SPATA21: variants seen among roughly 807,000 people sequenced by gnomAD.
The protein encoded by SPATA21 is spermatogenesis-associated protein 21.
Under a neutral mutation model 54.8 loss-of-function variants are expected in SPATA21, and 47 were observed. The ratio of observed to expected loss-of-function variants is 0.86; its 90% confidence interval spans 0.68 to 1.09. The LOEUF (loss-of-function observed/expected upper bound fraction) is 1.09, where lower values mean the gene tolerates loss of function less well. Among genes scored for constraint, SPATA21 ranks in the 50% least tolerant of loss-of-function variants. The probability of loss-of-function intolerance (pLI) is 0.00; values close to 1 mark genes in which losing one functional copy is unlikely to be tolerated. For missense variants in SPATA21, 599 were observed against 596.4 expected, an observed-to-expected ratio of 1.00 and a Z score of -0.05; for synonymous variants, 245 against 235.3, an observed-to-expected ratio of 1.04 and a Z score of -0.38.
chr1:16,415,170 C>T (rs1445197195), intron 5 of SPATA21, among the ~76,000 whole-genome samples: 1 of 152,130 alleles, frequency 6.6e-6, no homozygotes, highest in Non-Finnish European at 1.5e-5. Flanking sequence ...GACCCTGTCT[C>T]TACAGAAAAT....
intron 5 of SPATA21, among the ~76,000 whole-genome samples, chr1:16,420,375 G>C (rs560630044): frequency 1.6e-4 from 25 of 151,992 alleles, no homozygotes; most frequent in African/African-American, 6.0e-4. Context: ...GACGGCTTTT[G>C]ACGCCAGGTA....
intron 3 of SPATA21, chr1:16,425,486 G>A: frequency 2.6e-6 from 4 of 1,540,510 alleles, no homozygotes; most frequent in African/African-American, 1.4e-5. Context: ...TCTGTGGTAG[G>A]TCATTCCATA....
intron 3 of SPATA21, among the ~76,000 whole-genome samples, chr1:16,426,579 A>ATATATATATTTT (rs1401259793): frequency 4.6e-4 from 49 of 107,156 alleles, no homozygotes; most frequent in East Asian, 2.0e-3. Context: ...ATATATATAT[A>ATATATATATTTT]TTTTTTTTTT....
chr1:16,424,787 G>T (rs1241839803), intron 3 of SPATA21: 1 of 156,876 alleles, frequency 6.4e-6, no homozygotes, highest in South Asian at 1.9e-4. Flanking sequence ...CTAGCATACA[G>T]AAACCTGTTT....
intron 7 of SPATA21, among the ~76,000 whole-genome samples, chr1:16,406,088 A>G (rs1242058899): frequency 6.6e-6 from 1 of 151,458 alleles, no homozygotes. Context: ...TAGACAGCAG[A>G]GTGAGTCAAG....
intron 3 of SPATA21, chr1:16,425,649 G>C (rs894363971): frequency 1.3e-6 from 2 of 1,550,114 alleles, no homozygotes; most frequent in Non-Finnish European, 1.7e-6. Flanking sequence ...ACCCAGGAAG[G>C]CAGCAACCCC....
chr1:16,410,173 C>G, intron 5 of SPATA21, 130 bp from the exon 6 acceptor site: 1 of 722,336 alleles, frequency 1.4e-6, no homozygotes, highest in East Asian at 3.0e-5. Flanking sequence ...AGGATGTACC[C>G]CAAATCTCAC....
chr1:16,408,976 T>C, intron 7 of SPATA21, 142 bp downstream of exon 7: 2 of 801,116 alleles, frequency 2.5e-6, no homozygotes, highest in Admixed American at 2.6e-5. Flanking sequence ...ATAGGCCAAG[T>C]GCAGAAAACC....
intron 5 of SPATA21, among the ~76,000 whole-genome samples, chr1:16,412,617 C>T (rs2085883550): frequency 1.3e-5 from 2 of 152,020 alleles, no homozygotes; most frequent in Admixed American, 1.3e-4. Context: ...TGTGTACCAC[C>T]ATGCCCGGCT....
In SPATA21 at chr1:16,407,681, A is replaced by G. The variant is rs147586631; in HGVS notation, c.673+1437T>C. On this transcript the variant is annotated intron_variant, in intron 7 of 12. Coordinates refer to ENST00000335496, the MANE Select transcript of SPATA21 (RefSeq NM_198546.1). ...CACCATGTTGGTCAGGCTGGTCTCGAACTCCTGACCTCGTGATCCACCCGC... is the reference window on the plus strand; with the variant it reads ...CACCATGTTGGTCAGGCTGGTCTCGGACTCCTGACCTCGTGATCCACCCGC... Among the ~76,000 whole-genome samples the G allele has an allele frequency of 4.4e-3, 664 of 152,126 alleles. 7 individuals carry two copies. The highest frequency in any genetic ancestry group is 0.015 in the African/African-American group (640 of 41,490).
chr1:16,402,362 C>T (rs924210892), intron 10 of SPATA21, among the ~76,000 whole-genome samples: 1 of 142,582 alleles, frequency 7.0e-6, no homozygotes, highest in Non-Finnish European at 1.5e-5. Flanking sequence ...CCTGGGTTCA[C>T]GTCATTCTCC....
intron 5 of SPATA21, among the ~76,000 whole-genome samples, chr1:16,420,797 T>G (rs1341126335): frequency 6.6e-6 from 1 of 151,476 alleles, no homozygotes; most frequent in East Asian, 1.9e-4. Context: ...ATGAGGGGCG[T>G]GGGGGATGCT....
chr1:16,403,483 C>CTTTTTTTTTTT (rs1229942098), intron 10 of SPATA21, among the ~76,000 whole-genome samples: 11 of 117,102 alleles, frequency 9.4e-5, no homozygotes, highest in African/African-American at 1.7e-4. Context: ...TAGTTTTTTT[C>CTTTTTTTTTTT]TTTTTTTTCT....
At chr1:16,414,096 C>T (rs908108346) in intron 5 of SPATA21, among the ~76,000 whole-genome samples, 16 of 151,546 alleles carry the variant, frequency 1.1e-4, no homozygotes, top group Non-Finnish European at 1.5e-4. Flanking sequence ...GACAGAGTCT[C>T]GCTCTGTTGC....
rs777727820 is a variant in SPATA21 at position 16,409,853 on chromosome 1, T to A, written c.335A>T (p.Lys112Met). 1.2e-6 allele frequency: 2 copies of A among 1,607,338 alleles called. No homozygotes were observed. The highest frequency in any genetic ancestry group is 1.7e-6 in the Non-Finnish European group (2 of 1,177,116). The change falls in exon 6 of 13, where the codon AAG becomes ATG. Residue 112 changes from lysine to methionine, a missense_variant. By Grantham distance (95) the Lys-to-Met change is moderately conservative. Coordinates refer to ENST00000335496, the MANE Select transcript of SPATA21 (RefSeq NM_198546.1). The surrounding 1 kb of genome is among the most constrained non-coding windows in gnomAD (Gnocchi z 4.1). Reference sequence around the variant, plus strand: ...CACCGGGGTCAGGGTCCTGGGCGACTTCTGGGCTGTCTGGGACCGGGCCTT... The same window carrying A: ...CACCGGGGTCAGGGTCCTGGGCGACATCTGGGCTGTCTGGGACCGGGCCTT... ...ASKARSQTAQKSPRTLTPVPT... is the reference protein window; with the variant it reads ...ASKARSQTAQMSPRTLTPVPT...
At chr1:16,402,478 C>G (rs3132275) in intron 10 of SPATA21, among the ~76,000 whole-genome samples, 12,572 of 151,286 alleles carry the variant, frequency 0.083, 604 homozygotes, top group South Asian at 0.17. Context: ...AGCCAGGATG[C>G]TCTCGATCTC....
chr1:16,419,738 G>A (rs377737683), intron 5 of SPATA21, among the ~76,000 whole-genome samples: 10 of 152,298 alleles, frequency 6.6e-5, no homozygotes, highest in Non-Finnish European at 8.8e-5. Context: ...TAAGGAGTTC[G>A]AGAGCAGCCT....
In SPATA21 at chr1:16,405,071, G is replaced by A; in HGVS notation, c.707C>T (p.Pro236Leu). The change falls in exon 8 of 13, where the codon CCT becomes CTT. Residue 236 changes from proline (P) to leucine (L), a missense_variant. Pro to Leu is a moderately conservative substitution (Grantham distance 98, BLOSUM62 -3). Coordinates refer to ENST00000335496, the MANE Select transcript of SPATA21 (RefSeq NM_198546.1). ...FRSYFEIFNG[P>L]GEVDAQSLKN... The stretch of plus-strand genomic sequence containing the variant: ...CAGGCTCTGTGCATCCACCTCACCA[G>A]GACCATTGAAGATCTCAAAGTAGCT... 3 of 1,610,094 alleles carry A rather than the reference G, an allele frequency of 1.9e-6. No individual in the cohort carries two copies. Among genetic ancestry groups the A allele is most frequent in the Non-Finnish European group, 2.5e-6 (3 of 1,178,608 alleles).
chr1:16,403,401 T>C (rs2085514779), intron 10 of SPATA21, among the ~76,000 whole-genome samples: 1 of 152,052 alleles, frequency 6.6e-6, no homozygotes, highest in African/African-American at 2.4e-5. Context: ...GTCTCTGGGA[T>C]CCCACTAGAC....
Sources: gnomAD v4.1 joint callset for allele counts (sites outside exome capture counted in the v4.1 genomes callset) on GRCh38, gnomAD v4.1.1 for gene constraint, Gnocchi (gnomAD v3.1) non-coding constraint, MANE v1.5 for transcripts, NCBI Gene and HGNC (gene_info 2026-07-23, HGNC 2026-07-21) for gene names.